The following ROBO2 variants were observed in gnomAD, a reference collection of about 807,000 sequenced individuals.
ROBO2 encodes the protein roundabout guidance receptor 2.
Under a neutral mutation model 160.8 loss-of-function variants are expected in ROBO2, and 53 were observed. The observed-to-expected ratio is 0.33, with a 90% CI of 0.26 to 0.41. The LOEUF is 0.41. ROBO2 is among the 10% of genes least tolerant of loss of function. ROBO2 has a pLI of 1.00. For missense variants in ROBO2, 1,577 were observed against 1,722.4 expected (o/e 0.92, Z 1.49); for synonymous variants, 664 against 611.7 (o/e 1.09, Z -1.26).
At chr3:76,185,456 C>T (rs141486051) in intron 2 of ROBO2, among the ~76,000 whole-genome samples, 115 of 151,788 alleles carry the variant, frequency 7.6e-4, no homozygotes, top group African/African-American at 2.6e-3. Flanking sequence ...TATTTGGGAG[C>T]ATTTTGCAAT....
intron 2 of ROBO2, among the ~76,000 whole-genome samples, chr3:76,811,881 CCT>C (rs2065220399): frequency 8.6e-6 from 1 of 116,448 alleles, no homozygotes; most frequent in Admixed American, 1.1e-4. Flanking sequence ...TTCCTTCCTT[CCT>C]TTTTTGAGAT....
chr3:76,550,088 C>T (rs770366593), intron 2 of ROBO2, among the ~76,000 whole-genome samples: 1 of 152,104 alleles, frequency 6.6e-6, no homozygotes, highest in Non-Finnish European at 1.5e-5. Flanking sequence ...TTTGTTGTTG[C>T]TTTTTATTGC....
intron 2 of ROBO2, among the ~76,000 whole-genome samples, chr3:76,560,824 T>C (rs1393133502): frequency 2.0e-5 from 3 of 149,988 alleles, no homozygotes; most frequent in Non-Finnish European, 4.4e-5. Context: ...CCAAACCAAC[T>C]GATTTACTGG....
chr3:77,379,492 C>A (rs2073154915), intron 2 of ROBO2, among the ~76,000 whole-genome samples: 1 of 152,092 alleles, frequency 6.6e-6, no homozygotes, highest in Admixed American at 6.5e-5. Flanking sequence ...CACCATCCTA[C>A]ATTTGTCTAA....
intron 4 of ROBO2, among the ~76,000 whole-genome samples, chr3:77,486,097 C>A (rs2085319114): frequency 6.6e-6 from 1 of 152,172 alleles, no homozygotes; most frequent in African/African-American, 2.4e-5. Flanking sequence ...TGTGTCCCTG[C>A]AAAGGACATG....
At chr3:76,945,512 T>C (rs751700136) in intron 2 of ROBO2, among the ~76,000 whole-genome samples, 8 of 152,224 alleles carry the variant, frequency 5.3e-5, no homozygotes, top group African/African-American at 9.6e-5. Flanking sequence ...TTTCTTTGCA[T>C]GTGTTTTCTT....
intron 2 of ROBO2, among the ~76,000 whole-genome samples, chr3:76,818,932 C>T (rs990229507): frequency 6.6e-6 from 1 of 152,004 alleles, no homozygotes; most frequent in African/African-American, 2.4e-5. Context: ...CTTGCTTTGG[C>T]TATGTGGGCT....
intron 4 of ROBO2, among the ~76,000 whole-genome samples, chr3:77,488,532 C>G: frequency 6.6e-6 from 1 of 152,162 alleles, no homozygotes; most frequent in East Asian, 1.9e-4. Flanking sequence ...TTCATGCATA[C>G]TTATTTTAAT....
At chr3:76,676,450 C>T (rs901767570) in intron 2 of ROBO2, among the ~76,000 whole-genome samples, 3 of 152,098 alleles carry the variant, frequency 2.0e-5, no homozygotes, top group African/African-American at 7.2e-5. Flanking sequence ...TCTTCTTGGG[C>T]AGTTCTTTAT....
intron 2 of ROBO2, among the ~76,000 whole-genome samples, chr3:75,973,960 T>G (rs1483427199): frequency 6.6e-6 from 1 of 150,810 alleles, no homozygotes; most frequent in African/African-American, 2.4e-5. Context: ...AAGGTAGGGA[T>G]GAGGGAGGAG....
intron 2 of ROBO2, among the ~76,000 whole-genome samples, chr3:76,204,448 A>C (rs754698968): frequency 1.6e-4 from 24 of 152,296 alleles, no homozygotes; most frequent in Middle Eastern, 3.4e-3. Flanking sequence ...GGAATCACAC[A>C]TACTATTAGA....
chr3:76,085,472 TA>T lies in ROBO2; in HGVS notation c.109+147871del, dbSNP rs1206805187. On this transcript the variant is annotated intron_variant, in intron 2 of 26. Coordinates refer to the ROBO2 transcript ENST00000487694. Reference sequence around the variant, plus strand: ...TTTAAATAGAAGTAAATCTAGCAGGTATTTTTTTAAATAAAAAATATACATT... The same window carrying T: ...TTTAAATAGAAGTAAATCTAGCAGGTTTTTTTTAAATAAAAAATATACATT... Among the ~76,000 whole-genome samples, 4 of 152,182 alleles carry T rather than the reference TA, an allele frequency of 2.6e-5. No individual in the cohort carries two copies. In the East Asian group the frequency reaches 5.8e-4, roughly 22 times the overall value.
At chr3:75,980,585 T>G (rs935014795) in intron 2 of ROBO2, among the ~76,000 whole-genome samples, 4 of 151,602 alleles carry the variant, frequency 2.6e-5, no homozygotes, top group African/African-American at 9.7e-5. Context: ...ATGTCGAGTT[T>G]CTGTAGTCAA....
intron 2 of ROBO2, among the ~76,000 whole-genome samples, chr3:76,233,917 C>T (rs984164713): frequency 6.6e-6 from 1 of 152,154 alleles, no homozygotes; most frequent in African/African-American, 2.4e-5. Flanking sequence ...TATTTTGTCA[C>T]TCAGGTAATA....
intron 2 of ROBO2, among the ~76,000 whole-genome samples, chr3:76,840,648 TATATA>T (rs2068157442): frequency 3.8e-4 from 5 of 13,042 alleles, no homozygotes; most frequent in Admixed American, 1.8e-3. Context: ...TTATATTTTA[TATATA>T]TATATATATA....
chr3:77,191,486 A>G (rs1193458121), intron 2 of ROBO2, among the ~76,000 whole-genome samples: 3 of 152,202 alleles, frequency 2.0e-5, no homozygotes, highest in Non-Finnish European at 4.4e-5. Context: ...AGAGGCTAAT[A>G]CATTAAACTT....
rs747343665 is a variant in ROBO2, at chr3:76,374,094, TC to T, written c.109+436493del. Among the ~76,000 whole-genome samples the T allele has an allele frequency of 4.7e-4, 72 of 152,092 alleles. No individual in the cohort carries two copies. In the East Asian group the frequency reaches 0.01, roughly 21 times the overall value. On this transcript the variant is annotated intron_variant, in intron 2 of 26. Transcript: ENST00000487694. ...TCAGAGGGGCAATTACATTTTTGAC[TC>T]ATTTCTTTTATCAAAGCCAGTCTGA...
intron 2 of ROBO2, among the ~76,000 whole-genome samples, chr3:76,176,136 T>A (rs897135104): frequency 8.5e-5 from 13 of 152,138 alleles, no homozygotes; most frequent in African/African-American, 2.9e-4. Context: ...ATTATTTTAA[T>A]TTTTCTCTTT....
At chr3:77,325,885 C>T (rs187004140) in intron 2 of ROBO2, among the ~76,000 whole-genome samples, 7 of 152,230 alleles carry the variant, frequency 4.6e-5, no homozygotes, top group East Asian at 3.9e-4. Flanking sequence ...AAAGCTGGGA[C>T]GCAAATGCAA....
Sources: gnomAD v4.1 joint callset for allele counts (sites outside exome capture counted in the v4.1 genomes callset) on GRCh38, gnomAD v4.1.1 for gene constraint, MANE v1.5 for transcripts, NCBI Gene and HGNC (gene_info 2026-07-23, HGNC 2026-07-21) for gene names.